Variants in RAPGEF6 observed in about 807,000 individuals in gnomAD.
RAPGEF6 encodes the protein PDZ domain containing guanine nucleotide exchange factor (GEF) 2.
A neutral mutation model predicts 171.4 loss-of-function variants in RAPGEF6; 56 were observed. The ratio of observed to expected loss-of-function variants is 0.33; its 90% CI spans 0.26 to 0.41. The LOEUF (loss-of-function observed/expected upper bound fraction) is 0.41. Among genes scored for constraint, RAPGEF6 ranks in the 10% least tolerant of loss-of-function variants. The pLI is 1.00. For missense variants in RAPGEF6, 1,674 were observed against 1,921.4 expected (o/e 0.87, Z 2.41); for synonymous variants, 692 against 650.1 (o/e 1.06, Z -0.98).
intron 15 of RAPGEF6, among the ~76,000 whole-genome samples, chr5:131,481,180 C>T (rs1454428491): frequency 3.3e-5 from 5 of 151,962 alleles, no homozygotes; most frequent in Admixed American, 3.3e-4. Flanking sequence ...CTGCCTCGGC[C>T]TCCCAAAGTG....
intron 11 of RAPGEF6, among the ~76,000 whole-genome samples, chr5:131,501,017 C>A (rs1204841834): frequency 6.6e-6 from 1 of 152,032 alleles, no homozygotes; most frequent in Admixed American, 6.5e-5. Context: ...ACTTCTGGAG[C>A]CCACCTTGGC....
chr5:131,473,707 T>G (rs191826380), intron 16 of RAPGEF6, among the ~76,000 whole-genome samples: 38 of 152,302 alleles, frequency 2.5e-4, no homozygotes, highest in African/African-American at 8.9e-4. Flanking sequence ...TACTTACCTA[T>G]TATCATGAAA....
At chr5:131,444,978 G>T (rs918671015) in intron 22 of RAPGEF6, among the ~76,000 whole-genome samples, 3 of 152,168 alleles carry the variant, frequency 2.0e-5, no homozygotes, top group Non-Finnish European at 4.4e-5. Context: ...AATGTAGAAA[G>T]CTCTCAATAA....
Position 131,604,655 on chromosome 5 carries a change from T to C in RAPGEF6, c.108A>G (p.Glu36=), listed in dbSNP as rs1764442695. ...NTIYSYLHGM[E]ILSNLREHQL... is the part of the protein sequence containing the mutation. ...GATGTTCCCTGAGATTTGATAATAT[T>C]TCCATTCCATGAAGATAAGAATAAA... Residue 36 remains glutamate (E), a synonymous_variant, in exon 2 of 28, where the codon GAA becomes GAG. Coordinates refer to ENST00000509018, the MANE Select transcript of RAPGEF6 (RefSeq NM_016340.6). 2.5e-6 allele frequency: 4 copies of C among 1,612,034 alleles called. No individual in the cohort carries two copies. The highest frequency in any genetic ancestry group is 3.4e-6 in the Non-Finnish European group (4 of 1,179,074).
chr5:131,500,285 G>T (rs909357497), intron 11 of RAPGEF6, among the ~76,000 whole-genome samples: 2 of 152,134 alleles, frequency 1.3e-5, no homozygotes, highest in African/African-American at 4.8e-5. Flanking sequence ...AAAATCATAG[G>T]TCATTCCTAT....
intron 19 of RAPGEF6, among the ~76,000 whole-genome samples, chr5:131,457,786 A>G (rs1350011947): frequency 6.6e-6 from 1 of 152,222 alleles, no homozygotes; most frequent in African/African-American, 2.4e-5. Flanking sequence ...TGCCCCACAG[A>G]TACTGAGGGA....
At chr5:131,456,086 A>G in intron 19 of RAPGEF6, 74 bp from the exon 20 acceptor site, 1 of 1,000,658 alleles carries the variant, frequency 1.0e-6, no homozygotes, top group South Asian at 1.6e-5. Context: ...CATATACACC[A>G]TTTTCTCTAA....
At chr5:131,442,584 G>T in intron 22 of RAPGEF6, 47 bp from the exon 23 acceptor site, 1 of 1,596,602 alleles carries the variant, frequency 6.3e-7, no homozygotes, top group South Asian at 1.1e-5. Flanking sequence ...TTTTAGGCAA[G>T]GTTATCACCA....
chr5:131,548,223 T>A, intron 5 of RAPGEF6, 33 bp from the exon 6 acceptor site: 1 of 1,606,450 alleles, frequency 6.2e-7, no homozygotes. Flanking sequence ...TGATGAAATA[T>A]CAAATTTTTC....
intron 1 of RAPGEF6, among the ~76,000 whole-genome samples, chr5:131,623,337 A>G (rs1227825894): frequency 6.6e-6 from 1 of 152,210 alleles, no homozygotes; most frequent in Non-Finnish European, 1.5e-5. Context: ...TGGCAACTCT[A>G]CTTTATTCTT....
At chr5:131,465,713 G>A (rs1754288667) in intron 17 of RAPGEF6, among the ~76,000 whole-genome samples, 1 of 152,050 alleles carries the variant, frequency 6.6e-6, no homozygotes, top group South Asian at 2.1e-4. Flanking sequence ...AGCCTGGGAG[G>A]TTGAAGCTGC....
intron 6 of RAPGEF6, among the ~76,000 whole-genome samples, chr5:131,540,477 G>A (rs1463491024): frequency 6.6e-6 from 1 of 152,184 alleles, no homozygotes; most frequent in East Asian, 1.9e-4. Flanking sequence ...AAGGCAGGTC[G>A]TTAGAGCCCA....
At chr5:131,514,753 G>A (rs959671008) in intron 7 of RAPGEF6, among the ~76,000 whole-genome samples, 2 of 152,118 alleles carry the variant, frequency 1.3e-5, no homozygotes, top group Admixed American at 1.3e-4. Flanking sequence ...AAGCCTTAGA[G>A]ACTCATATCA....
At chr5:131,603,128 A>G (rs917713343) in intron 3 of RAPGEF6, 143 bp downstream of exon 3, 1 of 624,304 alleles carries the variant, frequency 1.6e-6, no homozygotes, top group Non-Finnish European at 2.8e-6. Context: ...GGTGGATTCT[A>G]TGTATGTTAT....
chr5:131,458,400 C>G (rs1368875619), intron 19 of RAPGEF6, among the ~76,000 whole-genome samples: 1 of 152,178 alleles, frequency 6.6e-6, no homozygotes, highest in Non-Finnish European at 1.5e-5. Context: ...TAGTAAGTTT[C>G]CTAAGGCCTC....
chr5:131,443,329 C>G (rs987846024), intron 22 of RAPGEF6, among the ~76,000 whole-genome samples: 1 of 152,118 alleles, frequency 6.6e-6, no homozygotes, highest in Admixed American at 6.5e-5. Context: ...CCACATGCCC[C>G]AGCTACCCAA....
At chr5:131,630,492 G>A (rs1766232972) in intron 1 of RAPGEF6, among the ~76,000 whole-genome samples, 2 of 152,238 alleles carry the variant, frequency 1.3e-5, no homozygotes, top group South Asian at 4.1e-4. Context: ...AGTTTTTGTT[G>A]TTTTAGTGCA....
At chr5:131,433,765 A>G in intron 24 of RAPGEF6, 107 bp from the exon 25 acceptor site, 1 of 837,892 alleles carries the variant, frequency 1.2e-6, no homozygotes, top group Non-Finnish European at 1.8e-6. Flanking sequence ...AACAGAAGAC[A>G]AAGTAGAAGC....
chr5:131,548,031 T>C lies in RAPGEF6; in HGVS notation c.495+16A>G. 2 of 1,611,088 alleles carry C rather than the reference T, an allele frequency of 1.2e-6. No homozygotes were observed. The highest frequency in any genetic ancestry group is 1.7e-6 in the Non-Finnish European group (2 of 1,178,468). On this transcript the variant is annotated intron_variant, in intron 6 of 27. Coordinates refer to ENST00000509018, the MANE Select transcript of RAPGEF6 (RefSeq NM_016340.6). ...AAATTAAGGAAGATTCATGAAGTGT[T>C]CCTAAATATACTCACAGAAAGATAG...
Sources: gnomAD v4.1 joint callset for allele counts (sites outside exome capture counted in the v4.1 genomes callset) on GRCh38, gnomAD v4.1.1 for gene constraint, MANE v1.5 for transcripts, NCBI Gene and HGNC (gene_info 2026-07-23, HGNC 2026-07-21) for gene names.